The following GALNTL6 variants were observed in gnomAD, a reference collection of about 807,000 sequenced individuals.
GALNTL6 encodes polypeptide N-acetylgalactosaminyltransferase like 6.
Under a neutral mutation model 73.7 loss-of-function variants are expected in GALNTL6, and 46 were observed. The observed-to-expected ratio is 0.62, with a 90% CI of 0.49 to 0.80. GALNTL6 has a LOEUF of 0.80. Ranked by LOEUF, GALNTL6 falls within the 30% of genes least tolerant of loss-of-function variation. GALNTL6 has a pLI of 0.00. For synonymous variants in GALNTL6, 259 were observed against 263.7 expected (o/e 0.98, Z 0.17); for missense variants, 604 against 755.0 (o/e 0.80, Z 2.34).
intron 3 of GALNTL6, among the ~76,000 whole-genome samples, chr4:172,303,395 C>T (rs1480513908): frequency 6.6e-6 from 1 of 152,136 alleles, no homozygotes; most frequent in Non-Finnish European, 1.5e-5. Flanking sequence ...CAATTTACTA[C>T]CTTTCTGGTT....
chr4:172,918,389 A>T (rs1447537383), intron 8 of GALNTL6, among the ~76,000 whole-genome samples: 8 of 149,544 alleles, frequency 5.3e-5, no homozygotes, highest in African/African-American at 7.7e-5. Context: ...AGTATAATTT[A>T]AAAAAAATAA....
intron 9 of GALNTL6, among the ~76,000 whole-genome samples, chr4:172,935,051 G>T (rs894254206): frequency 1.3e-5 from 2 of 152,222 alleles, no homozygotes; most frequent in Non-Finnish European, 2.9e-5. Context: ...CATGTCAGAA[G>T]TGGAGAGCAG....
intron 2 of GALNTL6, among the ~76,000 whole-genome samples, chr4:172,135,877 T>A (rs569520351): frequency 5.9e-5 from 9 of 152,302 alleles, no homozygotes; most frequent in Admixed American, 3.9e-4. Context: ...ATTTGGAAGT[T>A]GAAACACTAG....
At chr4:172,532,425 T>G (rs184184829) in intron 5 of GALNTL6, among the ~76,000 whole-genome samples, 1 of 152,312 alleles carries the variant, frequency 6.6e-6, no homozygotes, top group East Asian at 1.9e-4. Context: ...AGTATGGCCC[T>G]GCTGACACCT....
intron 7 of GALNTL6, among the ~76,000 whole-genome samples, chr4:172,866,697 G>T (rs187848451): frequency 1.3e-5 from 2 of 152,038 alleles, no homozygotes; most frequent in Admixed American, 1.3e-4. Flanking sequence ...CATGTCCTGT[G>T]GTTTCTCCTA....
At chr4:172,558,191 A>G (rs1326346368) in intron 5 of GALNTL6, among the ~76,000 whole-genome samples, 1 of 151,968 alleles carries the variant, frequency 6.6e-6, no homozygotes, top group East Asian at 1.9e-4. Flanking sequence ...AAACAGAATC[A>G]TTGTTGCCAT....
chr4:172,348,458 A>T (rs909952638), intron 4 of GALNTL6, 65 bp from the exon 5 acceptor site: 2 of 1,295,222 alleles, frequency 1.5e-6, no homozygotes, highest in Non-Finnish European at 2.2e-6. Flanking sequence ...TAATGAATAA[A>T]CAACAGAATA....
chr4:172,835,855 G>A (rs544654880), intron 7 of GALNTL6, among the ~76,000 whole-genome samples: 1 of 152,228 alleles, frequency 6.6e-6, no homozygotes, highest in African/African-American at 2.4e-5. Flanking sequence ...ACATTACTGC[G>A]GTTTGAACAT....
chr4:172,117,166 C>G (rs747983141), intron 2 of GALNTL6, among the ~76,000 whole-genome samples: 2 of 152,058 alleles, frequency 1.3e-5, no homozygotes, highest in Non-Finnish European at 2.9e-5. Context: ...ATCACACCAA[C>G]GTAATTCTAA....
intron 5 of GALNTL6, among the ~76,000 whole-genome samples, chr4:172,699,353 T>C (rs1049242319): frequency 6.6e-6 from 1 of 152,226 alleles, no homozygotes; most frequent in African/African-American, 2.4e-5. Flanking sequence ...TATATGTGTA[T>C]CTGTGCATGT....
chr4:172,023,849 T>A (rs72984510), intron 2 of GALNTL6, among the ~76,000 whole-genome samples: 2,216 of 152,034 alleles, frequency 0.015, 51 homozygotes, highest in African/African-American at 0.046. Context: ...AATACATTTA[T>A]GGCAGTGTTT....
intron 5 of GALNTL6, among the ~76,000 whole-genome samples, chr4:172,749,911 G>C (rs1007269829): frequency 9.9e-5 from 15 of 151,894 alleles, no homozygotes; most frequent in African/African-American, 3.6e-4. Flanking sequence ...TGTGAATAAG[G>C]TCTAGCTTTT....
At chr4:172,335,452 C>T (rs1578966715) in intron 4 of GALNTL6, among the ~76,000 whole-genome samples, 2 of 152,186 alleles carry the variant, frequency 1.3e-5, no homozygotes, top group African/African-American at 2.4e-5. Context: ...GATGCTAGCT[C>T]GCTTTGTAGA....
chr4:172,613,009 T>A (rs1738586882), intron 5 of GALNTL6, among the ~76,000 whole-genome samples: 2 of 152,090 alleles, frequency 1.3e-5, no homozygotes, highest in Non-Finnish European at 1.5e-5. Context: ...AGTCACTGAA[T>A]GTGCTCCAAC....
intron 5 of GALNTL6, among the ~76,000 whole-genome samples, chr4:172,793,351 T>C (rs1740099974): frequency 6.6e-6 from 1 of 152,212 alleles, no homozygotes; most frequent in African/African-American, 2.4e-5. Flanking sequence ...ATGATCTTTA[T>C]AAAGTTATAA....
chr4:172,258,390 T>C (rs371352524), intron 3 of GALNTL6, among the ~76,000 whole-genome samples: 1 of 151,252 alleles, frequency 6.6e-6, no homozygotes, highest in Non-Finnish European at 1.5e-5. Context: ...TTTTATCTGA[T>C]CTTCTTCAGA....
At chr4:173,003,573 A>G (rs1015369500) in intron 10 of GALNTL6, among the ~76,000 whole-genome samples, 3 of 152,212 alleles carry the variant, frequency 2.0e-5, no homozygotes, top group Non-Finnish European at 4.4e-5. Context: ...CAACGTACAA[A>G]CACTGTGCCA....
intron 5 of GALNTL6, among the ~76,000 whole-genome samples, chr4:172,697,284 C>T (rs1733755725): frequency 1.3e-5 from 2 of 152,274 alleles, no homozygotes; most frequent in African/African-American, 2.4e-5. Context: ...AGGATGAGAA[C>T]ATAGGTCATT....
intron 5 of GALNTL6, among the ~76,000 whole-genome samples, chr4:172,410,075 A>G (rs1053228759): frequency 6.6e-6 from 1 of 152,010 alleles, no homozygotes; most frequent in African/African-American, 2.4e-5. Context: ...TTATTCATTA[A>G]AAACAAGATA....
Sources: gnomAD v4.1 joint callset for allele counts (sites outside exome capture counted in the v4.1 genomes callset) on GRCh38, gnomAD v4.1.1 for gene constraint, MANE v1.5 for transcripts, NCBI Gene and HGNC (gene_info 2026-07-23, HGNC 2026-07-21) for gene names.